POU2F2: variants seen among roughly 807,000 people sequenced by gnomAD.
The protein encoded by POU2F2 is POU class 2 homeobox 2, also known as POU domain, class 2, transcription factor 2.
In POU2F2, 14 loss-of-function variants were observed where a neutral mutation model predicts 63.5. The observed-to-expected ratio is 0.22, with a 90% CI of 0.15 to 0.34. The LOEUF (loss-of-function observed/expected upper bound fraction) is 0.34. Among genes scored for constraint, POU2F2 ranks in the 10% least tolerant of loss-of-function variants. POU2F2 has a pLI of 1.00. For missense variants in POU2F2, 607 were observed against 815.2 expected, an observed-to-expected ratio of 0.74 and a Z score of 3.11; for synonymous variants, 306 against 348.6, an observed-to-expected ratio of 0.88 and a Z score of 1.36.
chr19:42,159,658 C>T (rs963816402), intron 2 of POU2F2, among the ~76,000 whole-genome samples: 4 of 152,226 alleles, frequency 2.6e-5, no homozygotes, highest in African/African-American at 9.6e-5. Context: ...AGAACTATGG[C>T]TTCTACCTGG....
chr19:42,122,396 G>A lies in POU2F2; in HGVS notation c.95-18C>T. The A allele has an allele frequency of 6.2e-7, 1 of 1,602,630 alleles. No individual in the cohort carries two copies. The highest frequency in any genetic ancestry group is 8.5e-7 in the Non-Finnish European group (1 of 1,173,916). On this transcript the variant is annotated intron_variant, in intron 2 of 14. Coordinates refer to ENST00000692977, the MANE Select transcript of POU2F2 (RefSeq NM_001394376.1). ...TTCGGTGTCTGCAAAGAGAGGGAAA[G>A]GATGTGTTGTCATCAGCCACCCCCA...
At chr19:42,185,362 A>G (rs1334424307) in intron 1 of POU2F2, among the ~76,000 whole-genome samples, 2 of 151,940 alleles carry the variant, frequency 1.3e-5, no homozygotes, top group African/African-American at 4.8e-5. Flanking sequence ...TACTGGGGTA[A>G]TGTTTCTACA....
rs923805275 is a variant in POU2F2 at position 42,162,042 on chromosome 19, C to T, written c.-69-1650G>A. ...AACACGGTGGCGACACGGCATTAACCGTCAATATTGGTGTAAGTGATGGGG... is the reference window on the plus strand; with the variant it reads ...AACACGGTGGCGACACGGCATTAACTGTCAATATTGGTGTAAGTGATGGGG... On this transcript the variant is annotated intron_variant, in intron 1 of 6. Coordinates refer to the POU2F2 transcript ENST00000524801. The surrounding 1 kb of genome is among the most constrained non-coding windows in gnomAD (Gnocchi z 4.1). 1.3e-5 allele frequency among the ~76,000 whole-genome samples: 2 copies of T among 148,188 alleles called. No homozygotes were observed. The highest frequency in any genetic ancestry group is 5.0e-5 in the African/African-American group (2 of 40,174).
At chr19:42,138,004 A>C (rs1010485766) in intron 2 of POU2F2, among the ~76,000 whole-genome samples, 1 of 152,178 alleles carries the variant, frequency 6.6e-6, no homozygotes, top group African/African-American at 2.4e-5. Context: ...CCAGGGCCAG[A>C]TCGCACAGGG....
chr19:42,100,947 CAATT>C (rs1036556822), intron 5 of POU2F2, among the ~76,000 whole-genome samples: 2 of 150,730 alleles, frequency 1.3e-5, no homozygotes, highest in Admixed American at 1.3e-4. Flanking sequence ...AAAATACAAA[CAATT>C]AGCCAGGCAT....
chr19:42,133,981 G>A (rs750428457), upstream of POU2F2, among the ~76,000 whole-genome samples: 1 of 151,778 alleles, frequency 6.6e-6, no homozygotes, highest in Non-Finnish European at 1.5e-5. The surrounding 1 kb of genome is among the most constrained non-coding windows in gnomAD (Gnocchi z 5.1). Flanking sequence ...AGAGGTGACC[G>A]TTTCCCGGCA....
chr19:42,102,303 T>C (rs1051930475), intron 5 of POU2F2, among the ~76,000 whole-genome samples: 16 of 152,002 alleles, frequency 1.1e-4, no homozygotes, highest in African/African-American at 3.9e-4. Context: ...ATTCTAATGG[T>C]TGAAGTTTGG....
intron 2 of POU2F2, among the ~76,000 whole-genome samples, chr19:42,140,165 T>G (rs1210598149): frequency 6.6e-6 from 1 of 152,248 alleles, no homozygotes; most frequent in Admixed American, 6.5e-5. Context: ...CGCCTGGCCC[T>G]GGGTCTTCCT....
chr19:42,177,110 C>T (rs2146810354), upstream of POU2F2: 1 of 149,640 alleles, frequency 6.7e-6, no homozygotes, highest in East Asian at 2.0e-4. Flanking sequence ...AGGAGGCTGC[C>T]CGCCGCCCGC....
intron 5 of POU2F2, among the ~76,000 whole-genome samples, chr19:42,107,256 G>A (rs2030251429): frequency 6.6e-6 from 1 of 152,146 alleles, no homozygotes; most frequent in Admixed American, 6.5e-5. Flanking sequence ...ATGGGAGGCT[G>A]AGGAAGGAGA....
At chr19:42,197,168 AATTCCCCACCTC>A (rs909890490), upstream of POU2F2, among the ~76,000 whole-genome samples, 2 of 152,130 alleles carry the variant, frequency 1.3e-5, no homozygotes, top group African/African-American at 2.4e-5. Flanking sequence ...AAGGGAGTGG[AATTCCCCACCTC>A]ATTCCCCACC....
At chr19:42,174,521 A>G (rs2146806218) in intron 1 of POU2F2, among the ~76,000 whole-genome samples, 1 of 151,726 alleles carries the variant, frequency 6.6e-6, no homozygotes, top group Non-Finnish European at 1.5e-5. Flanking sequence ...ATATGCACTG[A>G]CTCCCTTCTG....
intron 5 of POU2F2, among the ~76,000 whole-genome samples, chr19:42,110,913 C>T (rs2030984564): frequency 6.6e-6 from 1 of 152,170 alleles, no homozygotes; most frequent in Admixed American, 6.5e-5. Context: ...ATAATGTCTA[C>T]TTTTTCACTG....
chr19:42,181,354 ATG>A lies in POU2F2; in HGVS notation c.-70+15027_-70+15028del, dbSNP rs375560187. Among the ~76,000 whole-genome samples, 18 of 152,212 alleles carry A rather than the reference ATG, an allele frequency of 1.2e-4. No individual in the cohort carries two copies. In the South Asian group the frequency reaches 1.7e-3, roughly 14 times the overall value. On this transcript the variant is annotated intron_variant, in intron 1 of 5. Coordinates refer to the POU2F2 transcript ENST00000532176. ...CAGAAGTACCAGATTCCTCTGAGGA[ATG>A]TGTGTGTGTGCATGTCTGAGTGAGG...
At chr19:42,116,894 C>T in intron 5 of POU2F2, 1 of 486,162 alleles carries the variant, frequency 2.1e-6, no homozygotes, top group Non-Finnish European at 4.0e-6. Context: ...GCGGCGGCGG[C>T]AGCGGCGTTA....
chr19:42,163,530 G>A (rs1317301833), intron 1 of POU2F2, among the ~76,000 whole-genome samples: 2 of 152,058 alleles, frequency 1.3e-5, no homozygotes, highest in East Asian at 1.9e-4. Context: ...GGAAGAGGGT[G>A]GTCTCCTCCT....
chr19:42,181,777 G>A (rs974289575), intron 1 of POU2F2, among the ~76,000 whole-genome samples: 8 of 151,932 alleles, frequency 5.3e-5, no homozygotes, highest in South Asian at 4.2e-4. Flanking sequence ...TAGTAGAGAC[G>A]GGGTTTCACC....
chr19:42,186,786 G>A (rs568582715), intron 1 of POU2F2, among the ~76,000 whole-genome samples: 14 of 152,290 alleles, frequency 9.2e-5, no homozygotes, highest in South Asian at 2.1e-4. Flanking sequence ...GGATATGAGC[G>A]TCAGGGAGAG....
chr19:42,197,423 T>C (rs147133480), upstream of POU2F2, among the ~76,000 whole-genome samples: 175 of 152,202 alleles, frequency 1.1e-3, 3 homozygotes, highest in African/African-American at 4.0e-3. Context: ...GGCTGCTGGA[T>C]AGGACTCACG....
Sources: allele counts gnomAD v4.1 joint callset (sites outside exome capture counted in the v4.1 genomes callset), GRCh38; gene constraint gnomAD v4.1.1; non-coding constraint Gnocchi (gnomAD v3.1); transcripts MANE v1.5; gene names NCBI Gene and HGNC (gene_info 2026-07-23, HGNC 2026-07-21).